OXR1: variants seen among roughly 807,000 people sequenced by gnomAD.
OXR1 encodes oxidation resistance 1.
OXR1 carries 41 observed loss-of-function variants against 104.6 expected under a neutral mutation model. The observed-to-expected ratio is 0.39, with a 90% CI of 0.31 to 0.51. The LOEUF (loss-of-function observed/expected upper bound fraction) is 0.51. OXR1 is among the 20% of genes least tolerant of loss of function. The pLI, the probability that OXR1 is intolerant of heterozygous loss-of-function variation, is 0.77. For missense variants in OXR1, 955 were observed against 1,031.9 expected (o/e 0.93, Z 1.02); for synonymous variants, 348 against 348.4 (o/e 1.00, Z 0.01).
chr8:106,620,358 A>G (rs1013911921), intron 3 of OXR1, among the ~76,000 whole-genome samples: 1 of 152,054 alleles, frequency 6.6e-6, no homozygotes, highest in South Asian at 2.1e-4. Context: ...TCTCACAATC[A>G]GTGGTATCTT....
At chr8:106,573,754 TC>T (rs1010033418) in intron 3 of OXR1, among the ~76,000 whole-genome samples, 1 of 152,208 alleles carries the variant, frequency 6.6e-6, no homozygotes, top group African/African-American at 2.4e-5. Flanking sequence ...TACCCAGATT[TC>T]TACTGTGAAG....
At chr8:106,677,191 A>T (rs60973109) in intron 3 of OXR1, among the ~76,000 whole-genome samples, 1 of 151,796 alleles carries the variant, frequency 6.6e-6, no homozygotes, top group African/African-American at 2.4e-5. Context: ...TGCAAGTTTA[A>T]TTTGCTATTC....
At chr8:106,443,162 T>G (rs2130593477) in intron 2 of OXR1, among the ~76,000 whole-genome samples, 1 of 152,240 alleles carries the variant, frequency 6.6e-6, no homozygotes, top group South Asian at 2.1e-4. Context: ...CGTTATTTAC[T>G]TAGGAGTCAT....
intron 3 of OXR1, among the ~76,000 whole-genome samples, chr8:106,645,246 C>T (rs1563665352): frequency 6.6e-6 from 1 of 152,156 alleles, no homozygotes; most frequent in Non-Finnish European, 1.5e-5. Flanking sequence ...CCCTTCCTTC[C>T]GGACTCCTAG....
chr8:106,306,792 T>A (rs2130114211), intron 1 of OXR1, among the ~76,000 whole-genome samples: 1 of 152,356 alleles, frequency 6.6e-6, no homozygotes, highest in South Asian at 2.1e-4. Flanking sequence ...TTGATTGGGA[T>A]GTTGGTTACA....
chr8:106,602,171 A>G (rs1334302370), intron 3 of OXR1, among the ~76,000 whole-genome samples: 1 of 152,230 alleles, frequency 6.6e-6, no homozygotes, highest in Non-Finnish European at 1.5e-5. Flanking sequence ...CCTAGCCCAC[A>G]AAACCGTGGG....
At chr8:106,458,705 CTG>C (rs1219065301) in intron 2 of OXR1, among the ~76,000 whole-genome samples, 5 of 152,066 alleles carry the variant, frequency 3.3e-5, no homozygotes, top group Admixed American at 6.5e-5. Flanking sequence ...AGGGGTGGGA[CTG>C]CCTGAGGCCT....
intron 2 of OXR1, among the ~76,000 whole-genome samples, chr8:106,389,128 T>A (rs1381800597): frequency 2.6e-5 from 4 of 152,194 alleles, no homozygotes; most frequent in African/African-American, 9.7e-5. Context: ...AGAACAATAC[T>A]GTATTATAAC....
rs1178032693 is a variant in OXR1 at position 106,707,396 on chromosome 8, A to G, written c.1624+251A>G. 4 of 600,224 alleles carry G rather than the reference A, an allele frequency of 6.7e-6. No homozygotes were observed. In the East Asian group the frequency reaches 8.6e-5, roughly 13 times the overall value. The allele number at this position is 600,224 out of a possible 1,614,324, so 37.2% of individuals were successfully genotyped here. On this transcript the variant is annotated intron_variant, in intron 9 of 16. Transcript: ENST00000517566. Reference sequence around the variant, plus strand: ...TGTTTAAACATTCTTGGCTCACTACATCGTATCATTAAACAATTTATTTCT... The same window carrying G: ...TGTTTAAACATTCTTGGCTCACTACGTCGTATCATTAAACAATTTATTTCT...
chr8:106,602,704 T>C (rs118108355), intron 3 of OXR1, among the ~76,000 whole-genome samples: 1,556 of 152,320 alleles, frequency 0.01, 9 homozygotes, highest in Middle Eastern at 0.037. Context: ...TGTATGCATG[T>C]TGTATTACAT....
chr8:106,454,418 G>A (rs566158542), intron 2 of OXR1, among the ~76,000 whole-genome samples: 12 of 147,836 alleles, frequency 8.1e-5, no homozygotes, highest in South Asian at 4.3e-4. Context: ...CCAAGATGGC[G>A]CCACTGCACT....
intron 2 of OXR1, among the ~76,000 whole-genome samples, chr8:106,477,244 A>T (rs1255211542): frequency 6.6e-6 from 1 of 151,966 alleles, no homozygotes; most frequent in African/African-American, 2.4e-5. Context: ...ATGAGAAATC[A>T]CTTTTTCCCT....
intron 2 of OXR1, among the ~76,000 whole-genome samples, chr8:106,516,647 C>T (rs1280316039): frequency 6.6e-6 from 1 of 152,148 alleles, no homozygotes; most frequent in Non-Finnish European, 1.5e-5. Context: ...TTTATTACCA[C>T]CTTTTTGTGG....
intron 2 of OXR1, among the ~76,000 whole-genome samples, chr8:106,403,357 T>C (rs1403412905): frequency 6.6e-6 from 1 of 152,222 alleles, no homozygotes; most frequent in East Asian, 1.9e-4. Context: ...CCTGTGACAG[T>C]TGAGTGCTGC....
At chr8:106,297,398 T>C (rs1813042193) in intron 1 of OXR1, among the ~76,000 whole-genome samples, 1 of 152,206 alleles carries the variant, frequency 6.6e-6, no homozygotes, top group South Asian at 2.1e-4. Context: ...GCATCTTTAG[T>C]TGATTTCATT....
chr8:106,476,929 A>AT (rs1488420358), intron 2 of OXR1, among the ~76,000 whole-genome samples: 2 of 151,962 alleles, frequency 1.3e-5, no homozygotes, highest in Non-Finnish European at 2.9e-5. Context: ...GCCTCGAGGC[A>AT]TTTTGCAAAG....
At chr8:106,345,607 T>C (rs530486373) in intron 1 of OXR1, among the ~76,000 whole-genome samples, 2 of 152,168 alleles carry the variant, frequency 1.3e-5, no homozygotes, top group Non-Finnish European at 2.9e-5. Flanking sequence ...TAGAAAAGCC[T>C]GTGAAGAAAG....
At chr8:106,618,809 G>A (rs900212961) in intron 3 of OXR1, among the ~76,000 whole-genome samples, 6 of 151,642 alleles carry the variant, frequency 4.0e-5, no homozygotes, top group South Asian at 2.1e-4. Flanking sequence ...CTTCATTAGC[G>A]TTTTATTACG....
At chr8:106,703,528 T>C (rs886411748) in intron 8 of OXR1, among the ~76,000 whole-genome samples, 9 of 151,976 alleles carry the variant, frequency 5.9e-5, no homozygotes, top group African/African-American at 1.7e-4. Context: ...TTTTTTTTTT[T>C]AATTGATTGA....
Sources: gnomAD v4.1 joint callset for allele counts (sites outside exome capture counted in the v4.1 genomes callset) on GRCh38, gnomAD v4.1.1 for gene constraint, MANE v1.5 for transcripts, NCBI Gene and HGNC (gene_info 2026-07-23, HGNC 2026-07-21) for gene names.